The following ECPAS variants were observed in gnomAD, a reference collection of about 807,000 sequenced individuals.
The protein encoded by ECPAS is Ecm29 proteasome adaptor and scaffold.
Under a neutral mutation model 255.1 loss-of-function variants are expected in ECPAS, and 70 were observed. That is an observed-to-expected ratio of 0.27 (90% CI 0.23 to 0.33). ECPAS has a LOEUF of 0.33. Among genes scored for constraint, ECPAS ranks in the 10% least tolerant of loss-of-function variants. ECPAS has a pLI of 1.00. For missense variants in ECPAS, 1,817 were observed against 2,206.4 expected (o/e 0.82, Z 3.54); for synonymous variants, 784 against 775.0 (o/e 1.01, Z -0.19).
intron 48 of ECPAS, among the ~76,000 whole-genome samples, chr9:111,364,156 A>G (rs751562329): frequency 2.0e-5 from 3 of 152,170 alleles, no homozygotes; most frequent in Non-Finnish European, 4.4e-5. Flanking sequence ...CGAATGAAAC[A>G]TGCTTCCTTG....
At chr9:111,440,186 G>A (rs1020986805) in intron 6 of ECPAS, among the ~76,000 whole-genome samples, 186 bp downstream of exon 6, 15 of 152,002 alleles carry the variant, frequency 9.9e-5, no homozygotes, top group African/African-American at 3.6e-4. Context: ...AAATCACAAT[G>A]GCAACTCAGC....
At chr9:111,468,669 G>C (rs1464745182) in intron 2 of ECPAS, among the ~76,000 whole-genome samples, 4 of 135,452 alleles carry the variant, frequency 3.0e-5, no homozygotes, top group Non-Finnish European at 4.9e-5. Flanking sequence ...GTGTGTGTGT[G>C]TTTCATGTCC....
At chr9:111,365,878 T>C in intron 48 of ECPAS, 1 of 194,698 alleles carries the variant, frequency 5.1e-6, no homozygotes, top group Non-Finnish European at 1.1e-5. Flanking sequence ...TATATAGAAG[T>C]CCAAATGACA....
intron 3 of ECPAS, among the ~76,000 whole-genome samples, chr9:111,450,286 G>C (rs538163236): frequency 5.4e-4 from 82 of 152,294 alleles, no homozygotes; most frequent in African/African-American, 1.8e-3. Flanking sequence ...GGCCACAGAA[G>C]GGTTTTAAAT....
In ECPAS at chr9:111,366,197, A is replaced by T. The variant is rs554808040; in HGVS notation, c.5308+42T>A. The T allele has an allele frequency of 2.4e-5, 31 of 1,300,030 alleles. 1 individual carries two copies. In the South Asian group the frequency reaches 3.9e-4, roughly 16 times the overall value. The allele number at this position is 1,300,030 out of a possible 1,614,324, so 80.5% of individuals were successfully genotyped here. Reference sequence around the variant, plus strand: ...ATTTGAAGCTCAGCTCCTTAGCTTTAAAATTAGGACTCCCTCATCAGTTTT... The same window carrying T: ...ATTTGAAGCTCAGCTCCTTAGCTTTTAAATTAGGACTCCCTCATCAGTTTT... On this transcript the variant is annotated intron_variant, in intron 48 of 49. Coordinates refer to ENST00000684092, the MANE Select transcript of ECPAS (RefSeq NM_001364929.1).
chr9:111,415,340 T>C (rs572542024), intron 18 of ECPAS, among the ~76,000 whole-genome samples: 13 of 152,088 alleles, frequency 8.5e-5, no homozygotes, highest in African/African-American at 1.4e-4. Context: ...GTTTACTCCA[T>C]TGACACAAGA....
At chr9:111,433,760 T>G (rs1008048423) in intron 7 of ECPAS, among the ~76,000 whole-genome samples, 4 of 152,104 alleles carry the variant, frequency 2.6e-5, no homozygotes. Context: ...AAGTCCAAAT[T>G]TGGGGCCTCC....
chr9:111,413,454 T>G (rs1205472928), intron 20 of ECPAS, among the ~76,000 whole-genome samples: 1 of 152,176 alleles, frequency 6.6e-6, no homozygotes, highest in Non-Finnish European at 1.5e-5. Flanking sequence ...TGTTTTTATG[T>G]GTATGTACAT....
chr9:111,480,689 A>G (rs1184441199), intron 1 of ECPAS, among the ~76,000 whole-genome samples: 2 of 152,202 alleles, frequency 1.3e-5, no homozygotes, highest in African/African-American at 4.8e-5. Flanking sequence ...GTGTACATGT[A>G]TATGCTTTCA....
chr9:111,430,689 A>G, intron 8 of ECPAS, 61 bp from the exon 9 acceptor site: 1 of 1,020,988 alleles, frequency 9.8e-7, no homozygotes. Flanking sequence ...AGTGATTTCA[A>G]AAAAATTATA....
chr9:111,476,229 G>C (rs1335236256), intron 1 of ECPAS, among the ~76,000 whole-genome samples: 1 of 152,136 alleles, frequency 6.6e-6, no homozygotes, highest in Non-Finnish European at 1.5e-5. Flanking sequence ...ATAAAGCCCA[G>C]AATACGAAAC....
At position 111,420,030 on chromosome 9, in the gene ECPAS, C is replaced by A; in HGVS notation, c.1546G>T (p.Ala516Ser). The A allele has an allele frequency of 1.2e-6, 2 of 1,610,380 alleles. No individual in the cohort carries two copies. Among genetic ancestry groups the A allele is most frequent in the Non-Finnish European group, 1.7e-6 (2 of 1,177,182 alleles). ...TTTGAAACTTACGGATCTCCTGCAG[C>A]CAGTAGCAGCAAATATCTGGAAGGG... is the stretch of plus-strand genomic sequence containing the variant. ...HIPSRYLLLL[A>S]AGDPREEVHG... The change falls in exon 16 of 50, where the codon GCT becomes TCT. Residue 516 changes from alanine (A) to serine (S), a missense_variant. By Grantham distance (99) the Ala-to-Ser change is moderately conservative. Transcript: ENST00000684092.
At chr9:111,464,556 T>C (rs2098277009) in intron 2 of ECPAS, among the ~76,000 whole-genome samples, 1 of 151,770 alleles carries the variant, frequency 6.6e-6, no homozygotes, top group Non-Finnish European at 1.5e-5. Context: ...TCAGTCAACA[T>C]GAGAAGGAAT....
chr9:111,455,140 T>A (rs1156643889), intron 2 of ECPAS, among the ~76,000 whole-genome samples: 1 of 152,172 alleles, frequency 6.6e-6, no homozygotes, highest in South Asian at 2.1e-4. Flanking sequence ...CTTTTAAATA[T>A]TATATTGTGC....
intron 23 of ECPAS, among the ~76,000 whole-genome samples, chr9:111,409,746 C>T (rs927986211): frequency 6.6e-6 from 1 of 151,980 alleles, no homozygotes; most frequent in Non-Finnish European, 1.5e-5. Flanking sequence ...TTTTATTATA[C>T]ACCTTTTGCA....
At position 111,362,049 on chromosome 9, in the gene ECPAS, G is replaced by A. The variant is rs541859702; in HGVS notation, c.5501C>T (p.Thr1834Ile). 2 of 1,611,866 alleles carry A rather than the reference G, an allele frequency of 1.2e-6. No homozygotes were observed. The highest frequency in any genetic ancestry group is 1.3e-5 in the African/African-American group (1 of 74,826). The change falls in exon 50 of 50, where the codon ACA becomes ATA. Residue 1834 changes from threonine to isoleucine, a missense_variant. By Grantham distance (89) the Thr-to-Ile change is moderately conservative (BLOSUM62 -1). This residue lies in a region of ECPAS where 960 missense variants were observed against 1,179.0 expected (regional missense o/e 0.81). Coordinates refer to ENST00000684092, the MANE Select transcript of ECPAS (RefSeq NM_001364929.1). ...LQEKAALLKKTLENLE is the reference protein window; with the variant it reads ...LQEKAALLKKILENLE ...TCTAATTTATTCCAGATTTTCAAGTGTTTTCTTCAGTAACGCTGCTTTCTC... is the reference window on the plus strand; with the variant it reads ...TCTAATTTATTCCAGATTTTCAAGTATTTTCTTCAGTAACGCTGCTTTCTC...
At chr9:111,378,307 A>G (rs1487182071) in intron 36 of ECPAS, among the ~76,000 whole-genome samples, 1 of 152,226 alleles carries the variant, frequency 6.6e-6, no homozygotes, top group Non-Finnish European at 1.5e-5. Context: ...CTCTGAAGGT[A>G]TAGATCCAAG....
At chr9:111,383,588 A>G (rs2098143348) in intron 34 of ECPAS, among the ~76,000 whole-genome samples, 2 of 152,178 alleles carry the variant, frequency 1.3e-5, no homozygotes, top group Non-Finnish European at 2.9e-5. Flanking sequence ...AACAAAACAG[A>G]TGATGATCAA....
chr9:111,390,493 TG>T (rs1302828810), intron 29 of ECPAS, among the ~76,000 whole-genome samples: 13 of 152,236 alleles, frequency 8.5e-5, no homozygotes, highest in Admixed American at 3.3e-4. Context: ...ACCCTAATTC[TG>T]ATTGAGTCTT....
Sources: allele counts gnomAD v4.1 joint callset (sites outside exome capture counted in the v4.1 genomes callset), GRCh38; gene constraint gnomAD v4.1.1; regional missense constraint gnomAD v4.1.1; transcripts MANE v1.5; gene names NCBI Gene and HGNC (gene_info 2026-07-23, HGNC 2026-07-21).